Variants in LAMB4 observed in about 807,000 individuals in gnomAD.
LAMB4 encodes the protein laminin subunit beta-4.
Under a neutral mutation model 199.2 loss-of-function variants are expected in LAMB4, and 196 were observed. The observed-to-expected ratio is 0.98, with a 90% CI of 0.88 to 1.11. The LOEUF (loss-of-function observed/expected upper bound fraction) is 1.11, where lower values mean the gene tolerates loss of function less well. LAMB4 is among the 50% of genes least tolerant of loss of function. The pLI is 0.00. For synonymous variants in LAMB4, 744 were observed against 770.6 expected, an observed-to-expected ratio of 0.97 and a Z score of 0.57; for missense variants, 2,080 against 2,171.2, an observed-to-expected ratio of 0.96 and a Z score of 0.83.
intron 23 of LAMB4, among the ~76,000 whole-genome samples, chr7:108,060,431 G>A (rs2036122867): frequency 1.3e-5 from 2 of 152,122 alleles, no homozygotes; most frequent in South Asian, 2.1e-4. Context: ...GGGAGTGGAG[G>A]GGAGCTTATA....
rs145383056 is a variant in LAMB4 at position 108,043,844 on chromosome 7, A to G, written c.4379T>C (p.Leu1460Pro). 1 of 1,609,484 alleles carries G rather than the reference A, an allele frequency of 6.2e-7. No individual in the cohort carries two copies. Among genetic ancestry groups the G allele is most frequent in the Admixed American group, 1.7e-5 (1 of 59,240 alleles). ...AEVSKNNALQ[L>P]REKLGNIRNQ... ...TCTTATATTTCCCAGTTTTTCCCTC[A>G]GCTGTAAGGCATTGTTTTTGGAGAC... The change falls in exon 29 of 34, where the codon CTG (leucine) becomes CCG (proline). Residue 1460 changes from leucine (L) to proline (P), a missense_variant. By Grantham distance (98) the Leu-to-Pro change is moderately conservative. Transcript: ENST00000388781.
At chr7:108,059,362 C>T (rs2036087398) in intron 23 of LAMB4, among the ~76,000 whole-genome samples, 1 of 151,980 alleles carries the variant, frequency 6.6e-6, no homozygotes, top group Non-Finnish European at 1.5e-5. Flanking sequence ...TTGCACAAAC[C>T]AGTTTGCAAT....
At position 108,063,857 on chromosome 7, in the gene LAMB4, C is replaced by T; in HGVS notation, c.2965G>A (p.Gly989Arg). 1.2e-6 allele frequency: 2 copies of T among 1,614,228 alleles called. No individual in the cohort carries two copies. Among genetic ancestry groups the T allele is most frequent in the Non-Finnish European group, 1.7e-6 (2 of 1,180,036 alleles). Residue 989 changes from glycine to arginine, a missense_variant, in exon 22 of 34, where the codon GGG (glycine) becomes AGG (arginine). Coordinates refer to ENST00000388781, the MANE Select transcript of LAMB4 (RefSeq NM_007356.3). Reference protein sequence around the residue: ...TDPESCSRVTGECLRCLHNTQ... With the variant: ...TDPESCSRVTRECLRCLHNTQ... ...TTGTGCAAACATCGAAGGCACTCCC[C>T]TGTTACCCGGCTGCAGGACTCTGGA...
chr7:108,070,091 GAAAA>G (rs959696836), intron 17 of LAMB4, among the ~76,000 whole-genome samples: 2 of 149,826 alleles, frequency 1.3e-5, no homozygotes, highest in Admixed American at 6.6e-5. Flanking sequence ...TTGTGGCTAA[GAAAA>G]AAAAAGCCTT....
At chr7:108,110,683 TGAG>T (rs1342590516) in intron 4 of LAMB4, among the ~76,000 whole-genome samples, 1 of 152,126 alleles carries the variant, frequency 6.6e-6, no homozygotes, top group Non-Finnish European at 1.5e-5. Flanking sequence ...ATTCCCTTTG[TGAG>T]GAGATGTGGA....
At chr7:108,110,001 T>A (rs377007) in intron 4 of LAMB4, among the ~76,000 whole-genome samples, 58,272 of 152,108 alleles carry the variant, frequency 0.38, 11,622 homozygotes, top group Non-Finnish European at 0.42. Flanking sequence ...CATATTTAAA[T>A]GTTATTTTGA....
intron 31 of LAMB4, among the ~76,000 whole-genome samples, chr7:108,031,713 G>C (rs1331064188): frequency 6.6e-6 from 1 of 152,070 alleles, no homozygotes. Context: ...GGTCATTTAA[G>C]CTAATTTACA....
At chr7:108,094,300 T>C (rs2037516456) in intron 12 of LAMB4, among the ~76,000 whole-genome samples, 1 of 152,266 alleles carries the variant, frequency 6.6e-6, no homozygotes, top group African/African-American at 2.4e-5. Flanking sequence ...GCTCCTTTTT[T>C]TGTGTTACAC....
chr7:108,046,236 ATTTTT>A (rs559845089), intron 28 of LAMB4, among the ~76,000 whole-genome samples: 26 of 132,844 alleles, frequency 2.0e-4, no homozygotes, highest in African/African-American at 3.6e-4. Context: ...TCCTGGCTAA[ATTTTT>A]TTTTTTTTTT....
chr7:108,014,522 A>G, the LAMB4 span, among the ~76,000 whole-genome samples: 5 of 152,186 alleles, frequency 3.3e-5, no homozygotes, highest in African/African-American at 1.2e-4. Context: ...AATTGTCTAC[A>G]TATTATTCAT....
intron 33 of LAMB4, among the ~76,000 whole-genome samples, chr7:108,028,668 G>T (rs2034923400): frequency 3.3e-5 from 5 of 151,772 alleles, no homozygotes; most frequent in Admixed American, 3.3e-4. Flanking sequence ...GTAGAAACGG[G>T]GTTTCTCCAT....
intron 1 of LAMB4, among the ~76,000 whole-genome samples, chr7:108,126,232 C>A (rs1394003212): frequency 6.6e-6 from 1 of 152,150 alleles, no homozygotes; most frequent in Non-Finnish European, 1.5e-5. Context: ...TAGAAATACA[C>A]CTACATAAAA....
rs568671939 is a variant in LAMB4 at position 108,107,979 on chromosome 7, C to T, written c.403-160G>A. ...TTTTTGAGACAGGATCTCACTCTGT[C>T]GCCCAGGCTGGAGTGCAGTGGCATG... On this transcript the variant is annotated intron_variant, in intron 5 of 33. Coordinates refer to ENST00000388781, the MANE Select transcript of LAMB4 (RefSeq NM_007356.3). 7.2e-5 allele frequency among the ~76,000 whole-genome samples: 11 copies of T among 152,294 alleles called. No individual in the cohort carries two copies. The East Asian group carries it at 1.3e-3, about 19-fold the overall frequency.
intron 29 of LAMB4, among the ~76,000 whole-genome samples, chr7:108,039,470 C>CTTTTT (rs61668715): frequency 2.2e-5 from 3 of 134,366 alleles, no homozygotes; most frequent in Non-Finnish European, 3.2e-5. Context: ...TACTTTCTTT[C>CTTTTT]TTTTTTTTTT....
intron 2 of LAMB4, among the ~76,000 whole-genome samples, chr7:108,118,560 A>G (rs903982965): frequency 2.6e-5 from 4 of 152,150 alleles, no homozygotes. Context: ...TGCTGGAGCA[A>G]TTGGATCCAT....
chr7:108,115,866 G>A (rs2038386425), intron 3 of LAMB4, 138 bp downstream of exon 3: 1 of 906,766 alleles, frequency 1.1e-6, no homozygotes, highest in Non-Finnish European at 1.7e-6. Flanking sequence ...TGGATACTGA[G>A]GGACAACTGC....
chr7:108,025,391 TTCTTTCTTTC>T (rs1272236788), intron 33 of LAMB4, among the ~76,000 whole-genome samples: 3 of 70,508 alleles, frequency 4.3e-5, no homozygotes, highest in Non-Finnish European at 5.3e-5. Context: ...TTCTTTTCTT[TTCTTTCTTTC>T]TTTCTTTCTT....
At chr7:108,092,766 G>A (rs1056948357) in intron 12 of LAMB4, among the ~76,000 whole-genome samples, 2 of 152,040 alleles carry the variant, frequency 1.3e-5, no homozygotes, top group African/African-American at 2.4e-5. Context: ...AATTGCCTGG[G>A]TGTGGTGCAT....
At chr7:108,107,557 G>T in intron 6 of LAMB4, 74 bp downstream of exon 6, 1 of 1,226,980 alleles carries the variant, frequency 8.2e-7, no homozygotes, top group Non-Finnish European at 1.1e-6. Context: ...ACTATCGAAA[G>T]TTTTTCATTT....
Sources: allele counts gnomAD v4.1 joint callset (sites outside exome capture counted in the v4.1 genomes callset), GRCh38; gene constraint gnomAD v4.1.1; transcripts MANE v1.5; gene names NCBI Gene and HGNC (gene_info 2026-07-23, HGNC 2026-07-21).